The following FAM228B variants were observed in gnomAD, a reference collection of about 807,000 sequenced individuals.
FAM228B encodes the protein protein FAM228B.
A neutral mutation model predicts 42.6 loss-of-function variants in FAM228B; 38 were observed. The ratio of observed to expected loss-of-function variants is 0.89; its 90% CI spans 0.69 to 1.17. FAM228B has a LOEUF of 1.17. Ranked by LOEUF, FAM228B falls within the 50% of genes most tolerant of loss-of-function variation. FAM228B has a pLI of 0.00. For synonymous variants in FAM228B, 109 were observed against 122.3 expected, an observed-to-expected ratio of 0.89 and a Z score of 0.72; for missense variants, 344 against 367.3, an observed-to-expected ratio of 0.94 and a Z score of 0.52.
At chr2:24,136,372 T>C (rs567024959) in intron 3 of FAM228B, among the ~76,000 whole-genome samples, 1 of 152,288 alleles carries the variant, frequency 6.6e-6, no homozygotes, top group African/African-American at 2.4e-5. Context: ...TATAGGCACG[T>C]GCCAGCATGC....
intron 3 of FAM228B, among the ~76,000 whole-genome samples, chr2:24,108,103 G>A (rs990999893): frequency 6.6e-6 from 1 of 152,010 alleles, no homozygotes; most frequent in African/African-American, 2.4e-5. Context: ...GTTACCACTG[G>A]CCCCACAGAA....
chr2:24,147,208 G>C, intron 7 of FAM228B, 122 bp downstream of exon 7: 1 of 658,910 alleles, frequency 1.5e-6, no homozygotes, highest in Non-Finnish European at 2.4e-6. Context: ...TTTTGAGACA[G>C]AGTCTCACTC....
chr2:24,091,358 G>A lies in FAM228B; in HGVS notation c.-209-3783G>A, dbSNP rs569409916. On this transcript the variant is annotated intron_variant, in intron 2 of 10. Transcript: ENST00000613899. The stretch of plus-strand genomic sequence containing the variant: ...TGAGGCAGGAGAATGGCGTGAACCC[G>A]GGAGGCGGAGCTTGCAGTGAGCCGA... Among the ~76,000 whole-genome samples the A allele has an allele frequency of 3.3e-5, 5 of 152,172 alleles. No individual in the cohort carries two copies. In the East Asian group the frequency reaches 7.7e-4, roughly 24 times the overall value.
intron 7 of FAM228B, among the ~76,000 whole-genome samples, chr2:24,156,477 A>C (rs1445082469): frequency 6.6e-6 from 1 of 152,102 alleles, no homozygotes; most frequent in Admixed American, 6.5e-5. Context: ...TACTAAAAAT[A>C]CAAAAAATCA....
chr2:24,124,900 C>G (rs912944901), intron 2 of FAM228B, among the ~76,000 whole-genome samples: 1 of 152,334 alleles, frequency 6.6e-6, no homozygotes, highest in Non-Finnish European at 1.5e-5. Context: ...AATCTCTACA[C>G]TGTGTCGCCT....
intron 3 of FAM228B, among the ~76,000 whole-genome samples, chr2:24,102,109 A>G (rs1370394653): frequency 6.6e-6 from 1 of 152,238 alleles, no homozygotes; most frequent in Non-Finnish European, 1.5e-5. Context: ...TAAAAACCAT[A>G]TAATGATCTA....
upstream of FAM228B, chr2:24,121,290 C>A (rs373773551): frequency 2.5e-5 from 40 of 1,614,054 alleles, no homozygotes; most frequent in African/African-American, 4.1e-4. Context: ...TCGGACATCA[C>A]TGGGCGTTAC....
At chr2:24,158,399 G>A (rs1203623244) in intron 7 of FAM228B, among the ~76,000 whole-genome samples, 1 of 151,894 alleles carries the variant, frequency 6.6e-6, no homozygotes, top group African/African-American at 2.4e-5. Flanking sequence ...TGAATGAATG[G>A]ATGACCAGTC....
intron 4 of FAM228B, among the ~76,000 whole-genome samples, chr2:24,138,320 GT>G: frequency 6.6e-6 from 1 of 152,156 alleles, no homozygotes. Context: ...ATTTTTCTGT[GT>G]TTTCCCCATG....
chr2:24,094,065 G>C (rs1056186844), intron 2 of FAM228B, among the ~76,000 whole-genome samples: 2 of 125,856 alleles, frequency 1.6e-5, no homozygotes, highest in African/African-American at 6.0e-5. Context: ...TTTAAGACAG[G>C]GTCTTGCTGT....
Position 24,077,614 on chromosome 2 carries a change from TC to T in FAM228B, c.-290+646del. ...AGTTCCAGGACGATCTTGCCTATGT[TC>T]TTGTTGGCCTCCATGTACTTATGGG... On this transcript the variant is annotated intron_variant, in intron 1 of 10. Transcript: ENST00000613899. This position sits in a 1 kb window ranked among gnomAD's most constrained non-coding sequence, Gnocchi z 5.5. 2 of 1,614,014 alleles carry T rather than the reference TC, an allele frequency of 1.2e-6. No homozygotes were observed. Among genetic ancestry groups the T allele is most frequent in the Non-Finnish European group, 1.7e-6 (2 of 1,179,960 alleles).
At chr2:24,108,896 G>A (rs1186095682) in intron 3 of FAM228B, among the ~76,000 whole-genome samples, 10 of 131,806 alleles carry the variant, frequency 7.6e-5, no homozygotes, top group African/African-American at 2.0e-4. Context: ...GCAAGAGTCC[G>A]TCTCAAAAAA....
chr2:24,141,852 C>T (rs575749641), intron 5 of FAM228B, among the ~76,000 whole-genome samples: 1 of 152,092 alleles, frequency 6.6e-6, no homozygotes, highest in Non-Finnish European at 1.5e-5. Flanking sequence ...TTGTGTCATC[C>T]TACAAAGTGG....
At chr2:24,109,913 C>T (rs893838177) in intron 3 of FAM228B, among the ~76,000 whole-genome samples, 12 of 152,178 alleles carry the variant, frequency 7.9e-5, no homozygotes, top group African/African-American at 2.9e-4. Context: ...TACCATTTGA[C>T]CCAGCAATCC....
At chr2:24,082,656 G>A (rs566650308) in intron 2 of FAM228B, among the ~76,000 whole-genome samples, 22 of 152,176 alleles carry the variant, frequency 1.4e-4, no homozygotes, top group South Asian at 4.2e-4. Flanking sequence ...CTGGGCGTCC[G>A]GTGTTAACAT....
upstream of FAM228B, chr2:24,119,500 G>T (rs1370163509): frequency 8.5e-6 from 9 of 1,061,868 alleles, no homozygotes; most frequent in South Asian, 1.4e-4. Context: ...GCTGGTTTGA[G>T]TTGGATCTCT....
At chr2:24,100,542 G>A (rs1204524654) in intron 3 of FAM228B, among the ~76,000 whole-genome samples, 2 of 152,186 alleles carry the variant, frequency 1.3e-5, no homozygotes, top group Admixed American at 1.3e-4. Flanking sequence ...TCAGAGAAAT[G>A]CAAATCAAAA....
intron 7 of FAM228B, among the ~76,000 whole-genome samples, chr2:24,154,817 A>G (rs971669129): frequency 1.3e-5 from 2 of 152,142 alleles, no homozygotes; most frequent in African/African-American, 4.8e-5. Context: ...TTGGGGTGAG[A>G]GCACCATTAT....
chr2:24,151,537 C>A (rs539393603), intron 7 of FAM228B, among the ~76,000 whole-genome samples: 1 of 151,988 alleles, frequency 6.6e-6, no homozygotes, highest in South Asian at 2.1e-4. Context: ...GGTGATCCAC[C>A]CGCCTTGGCC....
Sources: allele counts gnomAD v4.1 joint callset (sites outside exome capture counted in the v4.1 genomes callset), GRCh38; gene constraint gnomAD v4.1.1; non-coding constraint Gnocchi (gnomAD v3.1); transcripts MANE v1.5; gene names NCBI Gene and HGNC (gene_info 2026-07-23, HGNC 2026-07-21).